Variants in BEND6 observed in about 807,000 individuals in gnomAD.
BEND6 encodes the protein BEN domain containing 6.
A neutral mutation model predicts 31.8 loss-of-function variants in BEND6; 24 were observed. The observed-to-expected ratio is 0.75, with a 90% CI of 0.55 to 1.06. The LOEUF is 1.06. Among genes scored for constraint, BEND6 ranks in the 50% least tolerant of loss-of-function variants. The probability of loss-of-function intolerance (pLI) is 0.00; values close to 1 mark genes in which losing one functional copy is unlikely to be tolerated. For missense variants in BEND6, 294 were observed against 327.4 expected (o/e 0.90, Z 0.79); for synonymous variants, 109 against 114.6 (o/e 0.95, Z 0.31).
chr6:56,965,268 G>C (rs1466173290), intron 1 of BEND6, among the ~76,000 whole-genome samples: 1 of 152,056 alleles, frequency 6.6e-6, no homozygotes, highest in Admixed American at 6.6e-5. Context: ...TAACAGGTAA[G>C]ACGGGAACTC....
chr6:56,958,561 C>T (rs768451933), intron 1 of BEND6, among the ~76,000 whole-genome samples: 6 of 152,104 alleles, frequency 3.9e-5, no homozygotes, highest in Admixed American at 6.6e-5. Flanking sequence ...TGAAAATATC[C>T]AGCAAGCCCA....
chr6:57,015,430 A>G, intron 4 of BEND6, 77 bp downstream of exon 4: 1 of 1,280,560 alleles, frequency 7.8e-7, no homozygotes, highest in Non-Finnish European at 1.1e-6. Flanking sequence ...GAAAATGATC[A>G]TTGTTTTATC....
At chr6:56,959,482 A>G (rs942529150) in intron 1 of BEND6, among the ~76,000 whole-genome samples, 1 of 152,222 alleles carries the variant, frequency 6.6e-6, no homozygotes, top group African/African-American at 2.4e-5. Context: ...ATAAATTATT[A>G]GAAATAAAGC....
At chr6:56,957,038 G>A (rs561359900) in intron 1 of BEND6, among the ~76,000 whole-genome samples, 1 of 152,150 alleles carries the variant, frequency 6.6e-6, no homozygotes, top group South Asian at 2.1e-4. Context: ...AATAGCCTAC[G>A]TATCCTTGAA....
At chr6:57,007,632 A>AT (rs532847812) in intron 3 of BEND6, among the ~76,000 whole-genome samples, 39 of 148,826 alleles carry the variant, frequency 2.6e-4, no homozygotes, top group Middle Eastern at 3.4e-3. Flanking sequence ...CAAAAAACAA[A>AT]TTTTTTTTTT....
chr6:57,007,490 G>A (rs184374285), intron 3 of BEND6, among the ~76,000 whole-genome samples: 31 of 152,178 alleles, frequency 2.0e-4, no homozygotes, highest in African/African-American at 7.2e-4. Context: ...TTTGTGAATA[G>A]GACCTTAAAA....
chr6:56,957,633 ATTG>A (rs774608182), intron 1 of BEND6, among the ~76,000 whole-genome samples: 3 of 152,210 alleles, frequency 2.0e-5, no homozygotes, highest in Non-Finnish European at 2.9e-5. Flanking sequence ...CACAAAAAAA[ATTG>A]TTAAGTTTGA....
intron 1 of BEND6, among the ~76,000 whole-genome samples, chr6:56,974,057 C>T (rs1044867856): frequency 1.3e-5 from 2 of 152,188 alleles, no homozygotes; most frequent in African/African-American, 2.4e-5. Context: ...CCGGCCTAAA[C>T]TTACAGATTA....
At position 57,027,009 on chromosome 6, in the gene BEND6, T is replaced by A. The variant is rs1827923924; in HGVS notation, c.*937T>A. Reference sequence around the variant, plus strand: ...GTAGCAGAAATGAACTGAAAAAAAATATGGGTTTGATAATCACACACATGA... The same window carrying A: ...GTAGCAGAAATGAACTGAAAAAAAAAATGGGTTTGATAATCACACACATGA... On this transcript the variant is annotated 3_prime_UTR_variant, in exon 7 of 7. Coordinates refer to ENST00000370746, the MANE Select transcript of BEND6 (RefSeq NM_152731.3). 1 of 152,134 alleles carries A rather than the reference T, an allele frequency of 6.6e-6. No homozygotes were observed. Among genetic ancestry groups the A allele is most frequent in the South Asian group, 2.1e-4 (1 of 4,824 alleles). The allele number at this position is 152,134 out of a possible 1,614,324, so 9.4% of individuals were successfully genotyped here.
chr6:56,978,114 C>CAA (rs76466174), intron 1 of BEND6, among the ~76,000 whole-genome samples: 25 of 141,218 alleles, frequency 1.8e-4, no homozygotes, highest in Admixed American at 2.9e-4. Context: ...AAACAAAAAA[C>CAA]AAAAAAAAAA....
intron 1 of BEND6, among the ~76,000 whole-genome samples, chr6:56,967,152 G>C (rs1592968994): frequency 6.6e-6 from 1 of 152,148 alleles, no homozygotes. Context: ...GCAATCAGGA[G>C]GTATGAGGAG....
intron 3 of BEND6, chr6:57,013,981 C>T (rs2127889174): frequency 6.6e-6 from 1 of 152,348 alleles, no homozygotes; most frequent in African/African-American, 2.4e-5. Flanking sequence ...GGACAAATTA[C>T]TTTACTTCTT....
intron 3 of BEND6, chr6:57,004,849 G>T: frequency 1.5e-6 from 1 of 662,224 alleles, no homozygotes; most frequent in Non-Finnish European, 2.7e-6. Flanking sequence ...TGGGCAACAA[G>T]GAAATACAAA....
Position 56,963,837 on chromosome 6 carries a change from T to C in BEND6, c.-101+8377T>C, listed in dbSNP as rs557925050. ...TATTACTATTAATAAATTAATATAA[T>C]ATAACTAATACAATACTAGTAGTGG... On this transcript the variant is annotated intron_variant, in intron 1 of 6. Transcript: ENST00000370746. Among the ~76,000 whole-genome samples, 8 of 146,156 alleles carry C rather than the reference T, an allele frequency of 5.5e-5. 1 individual carries two copies. The South Asian group carries it at 1.7e-3, about 31-fold the overall frequency.
chr6:56,993,702 T>G (rs1826595974), intron 3 of BEND6, among the ~76,000 whole-genome samples: 1 of 152,230 alleles, frequency 6.6e-6, no homozygotes. Context: ...ATTTTTTTAT[T>G]TGTTTGTTTT....
chr6:56,961,070 A>C (rs1348213540), intron 1 of BEND6, among the ~76,000 whole-genome samples: 4 of 152,168 alleles, frequency 2.6e-5, no homozygotes, highest in Non-Finnish European at 4.4e-5. Context: ...TCTCATTTTG[A>C]GGACATGATC....
intron 3 of BEND6, chr6:57,008,801 A>G (rs1307979134): frequency 6.5e-6 from 1 of 152,804 alleles, no homozygotes; most frequent in Non-Finnish European, 1.5e-5. Context: ...GCGAACTCTA[A>G]TACACTGTGG....
intron 6 of BEND6, among the ~76,000 whole-genome samples, chr6:57,020,057 C>A (rs777277321): frequency 5.3e-5 from 8 of 152,130 alleles, no homozygotes; most frequent in Non-Finnish European, 8.8e-5. Context: ...CCAGTGCACT[C>A]CAGCCTGGGG....
chr6:57,016,553 G>A (rs1306453592), intron 4 of BEND6, among the ~76,000 whole-genome samples: 1 of 152,180 alleles, frequency 6.6e-6, no homozygotes, highest in Non-Finnish European at 1.5e-5. Context: ...GTAAACTGAA[G>A]GCCATTCCTA....
Sources: gnomAD v4.1 joint callset for allele counts (sites outside exome capture counted in the v4.1 genomes callset) on GRCh38, gnomAD v4.1.1 for gene constraint, MANE v1.5 for transcripts, NCBI Gene and HGNC (gene_info 2026-07-23, HGNC 2026-07-21) for gene names.